Variants in KLHL13 observed in about 807,000 individuals in gnomAD.
The protein encoded by KLHL13 is kelch-like protein 13.
Under a neutral mutation model 37.1 loss-of-function variants are expected in KLHL13, and 10 were observed. The observed-to-expected ratio is 0.27, with a 90% confidence interval of 0.17 to 0.46. The LOEUF (loss-of-function observed/expected upper bound fraction) is 0.46. KLHL13 is among the 20% of genes least tolerant of loss of function. The pLI, the probability that KLHL13 is intolerant of heterozygous loss-of-function variation, is 1.00. For missense variants in KLHL13, 360 were observed against 509.3 expected (o/e 0.71, Z 2.82); for synonymous variants, 163 against 181.2 (o/e 0.90, Z 0.81).
At chrX:118,043,544 C>CA (rs970319989) in intron 1 of KLHL13, among the ~76,000 whole-genome samples, 21 of 111,741 alleles carry the variant, frequency 1.9e-4, no homozygotes, top group African/African-American at 4.9e-4. Context: ...TCATCAAGAT[C>CA]AAATGGGTTT....
chrX:117,971,895 G>A (rs1053758965), intron 1 of KLHL13, among the ~76,000 whole-genome samples: 5 of 110,995 alleles, frequency 4.5e-5, no homozygotes, highest in Non-Finnish European at 9.5e-5. Flanking sequence ...AGCTTTTCTC[G>A]TACTAATATT....
intron 1 of KLHL13, among the ~76,000 whole-genome samples, chrX:118,085,166 T>C (rs1174605487): frequency 9.0e-6 from 1 of 111,475 alleles, no homozygotes; most frequent in Non-Finnish European, 1.9e-5. Flanking sequence ...ACATAAGTAG[T>C]AGTATATTCA....
At chrX:117,907,484 T>A (rs1191972883) in intron 5 of KLHL13, among the ~76,000 whole-genome samples, 2 of 112,174 alleles carry the variant, frequency 1.8e-5, no homozygotes, top group Non-Finnish European at 3.8e-5. Context: ...ACCTGTTATT[T>A]GTGAAGAAAA....
intron 1 of KLHL13, among the ~76,000 whole-genome samples, chrX:117,987,939 A>T (rs1206557567): frequency 8.9e-6 from 1 of 111,969 alleles, no homozygotes; most frequent in Admixed American, 9.5e-5. Context: ...AATAATCTTC[A>T]AAAACAGGCA....
At chrX:117,945,650 TAATC>T in intron 1 of KLHL13, 75 bp from the exon 3 acceptor site, 1 of 912,267 alleles carries the variant, frequency 1.1e-6, no homozygotes, top group Non-Finnish European at 1.5e-6. Flanking sequence ...TTTAGAAAAA[TAATC>T]AGTCACTATT....
At chrX:118,030,633 C>T (rs148740901) in intron 1 of KLHL13, among the ~76,000 whole-genome samples, 9,243 of 111,636 alleles carry the variant, frequency 0.083, 348 homozygotes, top group Middle Eastern at 0.14. Context: ...GCCATGGGGG[C>T]ACCACCCTCA....
exon 6 of KLHL13, chrX:117,901,912 T>G: frequency 8.4e-7 from 1 of 1,187,526 alleles, no homozygotes; most frequent in Non-Finnish European, 1.1e-6. Flanking sequence ...CATAGGTCCA[T>G]TCATTTGTTC....
intron 1 of KLHL13, among the ~76,000 whole-genome samples, chrX:117,951,602 T>C (rs183756718): frequency 1.8e-5 from 2 of 111,900 alleles, no homozygotes; most frequent in African/African-American, 3.2e-5. Context: ...TGAGATTTTA[T>C]AAAATAGCTG....
intron 2 of KLHL13, among the ~76,000 whole-genome samples, chrX:117,924,457 A>T (rs2147714443): frequency 8.9e-6 from 1 of 112,281 alleles, no homozygotes; most frequent in South Asian, 3.7e-4. Flanking sequence ...AGATTCCTGC[A>T]CACTCGAAAT....
intron 2 of KLHL13, among the ~76,000 whole-genome samples, chrX:117,930,290 A>AAGGAAGGAAGGAAGGAAGGC (rs1556301121): frequency 8.0e-4 from 62 of 77,926 alleles, no homozygotes; most frequent in African/African-American, 2.3e-3. Context: ...GGAAGGAAGG[A>AAGGAAGGAAGGAAGGAAGGC]AGGCAGGCAG....
intron 1 of KLHL13, among the ~76,000 whole-genome samples, chrX:117,987,485 A>G (rs1052016051): frequency 1.8e-5 from 2 of 111,602 alleles, no homozygotes; most frequent in African/African-American, 6.5e-5. Flanking sequence ...GGGTCTAAAT[A>G]TTTAGTATTC....
intron 1 of KLHL13, among the ~76,000 whole-genome samples, chrX:118,009,320 T>C (rs1298373706): frequency 2.9e-5 from 2 of 69,456 alleles, no homozygotes; most frequent in Non-Finnish European, 5.4e-5. Context: ...CATGAAGTCC[T>C]TGCCCATGCC....
intron 1 of KLHL13, among the ~76,000 whole-genome samples, chrX:118,018,914 A>G (rs2054161627): frequency 9.0e-6 from 1 of 111,399 alleles, no homozygotes; most frequent in African/African-American, 3.2e-5. Flanking sequence ...ATACAAGCCT[A>G]ACCTTTTTAT....
chrX:117,906,413 T>C (rs748429433), intron 5 of KLHL13, among the ~76,000 whole-genome samples: 1 of 111,507 alleles, frequency 9.0e-6, no homozygotes, highest in East Asian at 2.8e-4. Context: ...TTGGGAGCAA[T>C]AGTAATCAAG....
intron 1 of KLHL13, among the ~76,000 whole-genome samples, chrX:118,026,341 C>T (rs185332288): frequency 9.0e-6 from 1 of 111,498 alleles, no homozygotes; most frequent in Non-Finnish European, 1.9e-5. Context: ...AAAAACTATG[C>T]ATGGATTTCA....
rs751986919 is a variant in KLHL13 at position 117,903,135 on chromosome X, A to AACACACACACACACAC, written c.1367-1205_1367-1190dup. Among the ~76,000 whole-genome samples the AACACACACACACACAC allele has an allele frequency of 1.6e-3, 162 of 99,766 alleles. 1 individual carries two copies. The highest frequency in any genetic ancestry group is 5.9e-3 in the African/African-American group (152 of 25,645). The allele number at this position is 99,766 out of a possible 115,157, so 86.6% of individuals were successfully genotyped here. A position where few individuals can be genotyped will look rare whatever the true frequency, so the allele number is the denominator to read the frequency against. On this transcript the variant is annotated intron_variant, in intron 5 of 6. Coordinates refer to ENST00000262820, the Ensembl canonical transcript of KLHL13. ...AAAAAAATAACATGGTGACAGGCAAAACACACACACACACACACACACAGA... is the reference window on the plus strand; with the variant it reads ...AAAAAAATAACATGGTGACAGGCAAAACACACACACACACACACACACACACACACACACACACAGA...
chrX:118,026,073 T>A lies in KLHL13; in HGVS notation c.-55-80498A>T, dbSNP rs758817775. On this transcript the variant is annotated intron_variant, in intron 1 of 6. Coordinates refer to the KLHL13 transcript ENST00000371882. Reference sequence around the variant, plus strand: ...ATACATTCCAACAAACAGGCACCCATCATGTTATTTCTCTAATTGGATTAT... The same window carrying A: ...ATACATTCCAACAAACAGGCACCCAACATGTTATTTCTCTAATTGGATTAT... 4.5e-5 allele frequency among the ~76,000 whole-genome samples: 5 copies of A among 111,440 alleles called. No individual in the cohort carries two copies. In the East Asian group the frequency reaches 1.4e-3, roughly 32 times the overall value.
At chrX:117,931,550 A>C (rs979831823) in intron 2 of KLHL13, among the ~76,000 whole-genome samples, 7 of 112,030 alleles carry the variant, frequency 6.2e-5, no homozygotes, top group Non-Finnish European at 1.3e-4. Context: ...ATTCTGTGTA[A>C]TTCTGCTGTT....
rs760681099 is a variant in KLHL13 at position 117,964,192 on chromosome X, T to TAA, written c.98+8537_98+8538dup. Among the ~76,000 whole-genome samples the TAA allele has an allele frequency of 1.4e-3, 143 of 101,455 alleles. 1 individual carries two copies. Among genetic ancestry groups the TAA allele is most frequent in the African/African-American group, 4.9e-3 (138 of 28,087 alleles). The allele number at this position is 101,455 out of a possible 115,157, so 88.1% of individuals were successfully genotyped here. A position where few individuals can be genotyped will look rare whatever the true frequency, so the allele number is the denominator to read the frequency against. On this transcript the variant is annotated intron_variant, in intron 1 of 6. Coordinates refer to ENST00000262820, the Ensembl canonical transcript of KLHL13. ...ATGTACCCTAAAACTTAGAGTATAA[T>TAA]AAAAAAAAAAAAATTGCTTCATTTT...
Sources: gnomAD v4.1 joint callset for allele counts (sites outside exome capture counted in the v4.1 genomes callset) on GRCh38, gnomAD v4.1.1 for gene constraint, MANE v1.5 for transcripts, NCBI Gene and HGNC (gene_info 2026-07-23, HGNC 2026-07-21) for gene names.